Variants in LRRC42 observed in about 807,000 individuals in gnomAD.
LRRC42 encodes leucine rich repeat containing 42, also known as leucine-rich repeat-containing protein 42.
Under a neutral mutation model 44.3 loss-of-function variants are expected in LRRC42, and 43 were observed. The observed-to-expected ratio is 0.97, with a 90% CI of 0.76 to 1.25. LRRC42 has a LOEUF of 1.25. Ranked by LOEUF, LRRC42 falls within the 50% of genes most tolerant of loss-of-function variation. The pLI, the probability that LRRC42 is intolerant of heterozygous loss-of-function variation, is 0.00. For missense variants in LRRC42, 540 were observed against 509.1 expected, an observed-to-expected ratio of 1.06 and a Z score of -0.58; for synonymous variants, 207 against 195.2, an observed-to-expected ratio of 1.06 and a Z score of -0.50.
chr1:53,967,216 G>A (rs1198097784), intron 8 of LRRC42, among the ~76,000 whole-genome samples: 1 of 152,140 alleles, frequency 6.6e-6, no homozygotes, highest in East Asian at 1.9e-4. Context: ...TGTAAAATAG[G>A]TTGTATCATT....
intron 3 of LRRC42, among the ~76,000 whole-genome samples, chr1:53,954,772 T>C (rs1205536506): frequency 6.6e-6 from 1 of 152,222 alleles, no homozygotes; most frequent in Non-Finnish European, 1.5e-5. Context: ...GGGATGAGAA[T>C]AGCACTTTTC....
At chr1:53,956,042 A>T (rs1654828709) in intron 3 of LRRC42, among the ~76,000 whole-genome samples, 1 of 152,216 alleles carries the variant, frequency 6.6e-6, no homozygotes, top group African/African-American at 2.4e-5. Context: ...GAATCCTTAA[A>T]GGCAAATAGA....
At chr1:53,954,534 T>C (rs368963985) in intron 3 of LRRC42, among the ~76,000 whole-genome samples, 1 of 152,240 alleles carries the variant, frequency 6.6e-6, no homozygotes, top group African/African-American at 2.4e-5. Context: ...CAATACATGC[T>C]ATTTGGGGAA....
At chr1:53,967,373 G>T (rs1470623324) in intron 8 of LRRC42, among the ~76,000 whole-genome samples, 1 of 152,080 alleles carries the variant, frequency 6.6e-6, no homozygotes, top group Admixed American at 6.6e-5. Flanking sequence ...AATAGGTTTT[G>T]TATCCCTCTA....
chr1:53,965,008 G>T (rs56727760), intron 7 of LRRC42, among the ~76,000 whole-genome samples: 3,308 of 112,560 alleles, frequency 0.029, 114 homozygotes, highest in African/African-American at 0.099. Context: ...GTTTTTTTTT[G>T]TTTTTTTTTT....
rs150193165 is a variant in LRRC42 at position 53,967,781 on chromosome 1, G to C, written c.1129G>C (p.Val377Leu). 456 of 1,614,216 alleles carry C rather than the reference G, an allele frequency of 2.8e-4. 7 individuals carry two copies. The African/African-American group carries it at 5.1e-3, about 18-fold the overall frequency. The change falls in exon 9 of 9, where the codon GTG becomes CTG. Residue 377 changes from valine to leucine, a missense_variant. Val to Leu is a conservative substitution (Grantham distance 32). Coordinates refer to ENST00000371370, the MANE Select transcript of LRRC42 (RefSeq NM_001256409.2). ...GAAAGCCCCAGATTGCCATGGGCCA[G>C]TGTTGAAACACGAAGCTATCTCAAG... ...KEKAPDCHGP[V>L]LKHEAISSQE...
Position 53,967,840 on chromosome 1 carries a change from T to C in LRRC42, c.1188T>C (p.Phe396=). The change falls in exon 9 of 9, where the codon TTT becomes TTC. Residue 396 remains phenylalanine, a synonymous_variant. Coordinates refer to ENST00000371370, the MANE Select transcript of LRRC42 (RefSeq NM_001256409.2). The stretch of plus-strand genomic sequence containing the variant: ...CAAAGAAGAGCAAGAAGAGACCTTT[T>C]GAGGAGTCAGAGACAGAACAGAATA... ...QESKKSKKRP[F]EESETEQNNS... 1.2e-6 allele frequency: 2 copies of C among 1,614,002 alleles called. No homozygotes were observed. Among genetic ancestry groups the C allele is most frequent in the Non-Finnish European group, 1.7e-6 (2 of 1,180,034 alleles).
rs200678704 is a variant in LRRC42, at chr1:53,962,341, G to C, written c.859G>C (p.Val287Leu). ...CAAGCTCCAGACCCACATAGGCCTT[G>C]TTCACTCCAAAGTGCCTTTGAAGGA... ...KHKLQTHIGL[V>L]HSKVPLKEFD... Residue 287 changes from valine (V) to leucine (L), a missense_variant, in exon 7 of 9, where the codon GTT becomes CTT. Transcript: ENST00000371370. The C allele has an allele frequency of 6.0e-5, 97 of 1,614,202 alleles. No homozygotes were observed. In the East Asian group the frequency reaches 2.0e-3, roughly 33 times the overall value.
intron 2 of LRRC42, among the ~76,000 whole-genome samples, chr1:53,951,671 C>T (rs866675765): frequency 2.6e-4 from 40 of 152,242 alleles, no homozygotes; most frequent in Middle Eastern, 3.4e-3. Flanking sequence ...GTGATCCGCC[C>T]GCCTCGGCCT....
At chr1:53,950,467 C>T (rs1185532496) in intron 2 of LRRC42, among the ~76,000 whole-genome samples, 2 of 152,224 alleles carry the variant, frequency 1.3e-5, no homozygotes, top group South Asian at 2.1e-4. Flanking sequence ...TTCATTGTTT[C>T]ATCTCCAGAG....
chr1:53,953,058 T>C lies in LRRC42; in HGVS notation c.473+586T>C, dbSNP rs979226538. ...GTCATGTAAAAACACTTTCAAAACA[T>C]CTAATTTTTTAAAAAACTTGCAAAA... On this transcript the variant is annotated intron_variant, in intron 3 of 8. Coordinates refer to ENST00000371370, the MANE Select transcript of LRRC42 (RefSeq NM_001256409.2). Among the ~76,000 whole-genome samples the C allele has an allele frequency of 2.6e-5, 4 of 152,224 alleles. No individual in the cohort carries two copies. In the South Asian group the frequency reaches 8.3e-4, roughly 31 times the overall value.
In LRRC42 at chr1:53,958,140, G is replaced by A. The variant is rs772617570; in HGVS notation, c.474-9G>A. 3.1e-6 allele frequency: 5 copies of A among 1,613,030 alleles called. No individual in the cohort carries two copies. In the South Asian group the frequency reaches 5.5e-5, roughly 18 times the overall value. ...GGGGAAGCTATTGATTGCTCTCCAC[G>A]CTCCGTAGGTATCTCGTGATTTCAG... On this transcript the variant is annotated splice_polypyrimidine_tract_variant and intron_variant, in intron 3 of 8. Transcript: ENST00000371370.
At chr1:53,950,242 C>T (rs1225663594) in intron 2 of LRRC42, among the ~76,000 whole-genome samples, 1 of 152,100 alleles carries the variant, frequency 6.6e-6, no homozygotes, top group Non-Finnish European at 1.5e-5. Context: ...GAAGGATGTT[C>T]CAGCCAAAGG....
intron 3 of LRRC42, among the ~76,000 whole-genome samples, chr1:53,953,653 C>T (rs1391862011): frequency 6.6e-6 from 1 of 152,096 alleles, no homozygotes; most frequent in Non-Finnish European, 1.5e-5. Context: ...GCCACCACGC[C>T]TGGCCTACTT....
At chr1:53,958,377 T>G in intron 4 of LRRC42, 97 bp downstream of exon 4, 1 of 1,479,910 alleles carries the variant, frequency 6.8e-7, no homozygotes, top group Middle Eastern at 2.2e-4. Flanking sequence ...TACTTCCCAT[T>G]CTTATGTTGA....
intron 2 of LRRC42, among the ~76,000 whole-genome samples, chr1:53,951,667 C>T (rs1447073610): frequency 2.6e-5 from 4 of 152,120 alleles, no homozygotes; most frequent in Admixed American, 1.3e-4. Flanking sequence ...TCAGGTGATC[C>T]GCCCGCCTCG....
intron 3 of LRRC42, among the ~76,000 whole-genome samples, chr1:53,956,532 A>G (rs1320317818): frequency 6.6e-6 from 1 of 152,232 alleles, no homozygotes; most frequent in Non-Finnish European, 1.5e-5. Context: ...CTGTCTCACA[A>G]TCACACAAGT....
intron 7 of LRRC42, among the ~76,000 whole-genome samples, chr1:53,964,886 A>C (rs1442308801): frequency 1.3e-5 from 2 of 151,998 alleles, no homozygotes; most frequent in African/African-American, 4.8e-5. Flanking sequence ...GGGTTTCACC[A>C]TGTTGCCCAG....
chr1:53,958,432 T>G (rs1362654400), intron 4 of LRRC42, 152 bp downstream of exon 4: 2 of 960,966 alleles, frequency 2.1e-6, no homozygotes, highest in Non-Finnish European at 3.0e-6. Context: ...ATTTACTTGG[T>G]ATAAGCAATA....
Sources: allele counts gnomAD v4.1 joint callset (sites outside exome capture counted in the v4.1 genomes callset), GRCh38; gene constraint gnomAD v4.1.1; transcripts MANE v1.5; gene names NCBI Gene and HGNC (gene_info 2026-07-23, HGNC 2026-07-21).